The following ENTREP2 variants were observed in gnomAD, a reference collection of about 807,000 sequenced individuals.
ENTREP2 encodes the protein endosomal transmembrane epsin interactor 2.
At chr15:29,139,019 G>C in the ENTREP2 span, among the ~76,000 whole-genome samples, 1 of 152,106 alleles carries the variant, frequency 6.6e-6, no homozygotes, top group Admixed American at 6.6e-5. Context: ...AAGGGTGTTG[G>C]AGCTGGGGAG....
the ENTREP2 span, among the ~76,000 whole-genome samples, chr15:29,394,696 T>A: frequency 5.3e-5 from 8 of 152,076 alleles, no homozygotes; most frequent in African/African-American, 1.9e-4. Context: ...CTTGCAAAAT[T>A]AAAACTTTGT....
At chr15:29,140,556 G>A in the ENTREP2 span, among the ~76,000 whole-genome samples, 6 of 152,002 alleles carry the variant, frequency 3.9e-5, no homozygotes, top group African/African-American at 1.4e-4. Flanking sequence ...CAAACTCCCC[G>A]CTCTTTGAAC....
the ENTREP2 span, among the ~76,000 whole-genome samples, chr15:29,168,624 G>A: frequency 6.6e-6 from 1 of 152,170 alleles, no homozygotes; most frequent in Non-Finnish European, 1.5e-5. Flanking sequence ...TATGGAGAAG[G>A]TAAGTGATTC....
the ENTREP2 span, among the ~76,000 whole-genome samples, chr15:29,303,146 C>A: frequency 6.6e-6 from 1 of 152,172 alleles, no homozygotes; most frequent in African/African-American, 2.4e-5. Flanking sequence ...GCCTGGCCTG[C>A]CACTTGAAAT....
chr15:29,641,780 C>T, the ENTREP2 span, among the ~76,000 whole-genome samples: 1 of 141,360 alleles, frequency 7.1e-6, no homozygotes, highest in African/African-American at 2.7e-5. Context: ...TGGAGTGAGC[C>T]AAGATTGCGC....
At chr15:29,212,232 C>T in the ENTREP2 span, among the ~76,000 whole-genome samples, 5 of 152,056 alleles carry the variant, frequency 3.3e-5, no homozygotes, top group South Asian at 8.3e-4. Flanking sequence ...GGAATTTATC[C>T]GTCTCTTCTA....
the ENTREP2 span, among the ~76,000 whole-genome samples, chr15:29,247,520 C>G: frequency 6.6e-6 from 1 of 152,078 alleles, no homozygotes. Flanking sequence ...TGGTATTGCT[C>G]TGGAATATGA....
the ENTREP2 span, among the ~76,000 whole-genome samples, chr15:29,231,244 A>T: frequency 6.6e-6 from 1 of 152,208 alleles, no homozygotes. Flanking sequence ...AGCTTCTGCC[A>T]AAGCCACTCA....
At chr15:29,326,521 G>T in the ENTREP2 span, among the ~76,000 whole-genome samples, 28 of 151,978 alleles carry the variant, frequency 1.8e-4, no homozygotes, top group Admixed American at 1.2e-3. Context: ...ATATGTATAA[G>T]AACTATATGT....
At chr15:29,329,903 A>C in the ENTREP2 span, among the ~76,000 whole-genome samples, 3 of 152,234 alleles carry the variant, frequency 2.0e-5, no homozygotes, top group Admixed American at 2.0e-4. Flanking sequence ...AAGGGAAAAA[A>C]TTCCAAATAC....
chr15:29,592,008 C>T, the ENTREP2 span, among the ~76,000 whole-genome samples: 16 of 152,222 alleles, frequency 1.1e-4, no homozygotes, highest in Non-Finnish European at 1.8e-4. Context: ...TTCTCCCCAA[C>T]AAATTTCAGA....
the ENTREP2 span, among the ~76,000 whole-genome samples, chr15:29,173,241 T>C: frequency 6.6e-6 from 1 of 152,188 alleles, no homozygotes; most frequent in Non-Finnish European, 1.5e-5. Flanking sequence ...CTGGGCCTGC[T>C]TTCTAAGCCA....
At chr15:29,556,889 G>A in the ENTREP2 span, among the ~76,000 whole-genome samples, 17 of 152,180 alleles carry the variant, frequency 1.1e-4, no homozygotes, top group South Asian at 3.5e-3. Flanking sequence ...GGTGCAGGAT[G>A]GGGCAGCCAC....
At chr15:29,657,436 C>G in the ENTREP2 span, among the ~76,000 whole-genome samples, 2 of 143,108 alleles carry the variant, frequency 1.4e-5, no homozygotes, top group Non-Finnish European at 3.0e-5. Context: ...AAAGCTTCCA[C>G]CACACAGAAG....
chr15:29,222,635 T>C, the ENTREP2 span, among the ~76,000 whole-genome samples: 28 of 152,128 alleles, frequency 1.8e-4, no homozygotes, highest in African/African-American at 6.0e-4. Flanking sequence ...GCATCTCCCG[T>C]CACTCATGCT....
chr15:29,452,984 C>A, the ENTREP2 span, among the ~76,000 whole-genome samples: 1 of 152,074 alleles, frequency 6.6e-6, no homozygotes, highest in Non-Finnish European at 1.5e-5. Context: ...GAAATTAAAC[C>A]GGAGGAGGCA....
chr15:29,318,857 A>C, the ENTREP2 span, among the ~76,000 whole-genome samples: 1 of 152,212 alleles, frequency 6.6e-6, no homozygotes, highest in African/African-American at 2.4e-5. Flanking sequence ...AAACTGGCAA[A>C]GATTAGGTAG....
the ENTREP2 span, among the ~76,000 whole-genome samples, chr15:29,285,191 T>C: frequency 6.6e-6 from 1 of 152,152 alleles, no homozygotes; most frequent in African/African-American, 2.4e-5. Context: ...TTTCTTTTGT[T>C]AGATGGTGTT....
chr15:29,544,088 A>G, the ENTREP2 span, among the ~76,000 whole-genome samples: 233 of 152,288 alleles, frequency 1.5e-3, 1 homozygote, highest in African/African-American at 5.3e-3. Context: ...GAATAATTGT[A>G]TTCCATACAT....
Sources: gnomAD v4.1 joint callset for allele counts (sites outside exome capture counted in the v4.1 genomes callset) on GRCh38, gnomAD v4.1.1 for gene constraint, MANE v1.5 for transcripts, NCBI Gene and HGNC (gene_info 2026-07-23, HGNC 2026-07-21) for gene names.